Variants in RNF17 observed in about 807,000 individuals in gnomAD.
RNF17 encodes spermatogenesis associated 23.
A neutral mutation model predicts 200.5 loss-of-function variants in RNF17; 31 were observed. The observed-to-expected ratio is 0.15, with a 90% CI of 0.12 to 0.21. RNF17 has a LOEUF of 0.21. Among genes scored for constraint, RNF17 ranks in the 10% least tolerant of loss-of-function variants. RNF17 has a pLI of 1.00. For synonymous variants in RNF17, 606 were observed against 637.8 expected, an observed-to-expected ratio of 0.95 and a Z score of 0.75; for missense variants, 1,628 against 1,905.1, an observed-to-expected ratio of 0.85 and a Z score of 2.71.
At chr13:24,788,255 C>A in intron 7 of RNF17, 96 bp downstream of exon 7, 2 of 846,228 alleles carry the variant, frequency 2.4e-6, no homozygotes, top group Non-Finnish European at 3.6e-6. Context: ...TTCAGATTAT[C>A]CTAACCTATA....
intron 14 of RNF17, chr13:24,803,804 A>T (rs1346560260): frequency 6.4e-6 from 1 of 155,800 alleles, no homozygotes; most frequent in African/African-American, 2.4e-5. Flanking sequence ...TACGACATGA[A>T]AGCCTAGCTC....
intron 9 of RNF17, among the ~76,000 whole-genome samples, chr13:24,792,102 A>G (rs371807596): frequency 2.6e-5 from 4 of 152,278 alleles, no homozygotes; most frequent in African/African-American, 9.6e-5. Flanking sequence ...GATAATCAAC[A>G]ACCTTTGCAA....
At chr13:24,842,258 G>A in intron 19 of RNF17, 97 bp downstream of exon 19, 4 of 1,074,434 alleles carry the variant, frequency 3.7e-6, no homozygotes, top group South Asian at 3.5e-5. Flanking sequence ...CATTGGAGAT[G>A]AGCTTAGACT....
intron 33 of RNF17, among the ~76,000 whole-genome samples, 168 bp downstream of exon 33, chr13:24,874,417 T>A: frequency 1.3e-5 from 2 of 151,010 alleles, no homozygotes. Flanking sequence ...ATTGTAGCTT[T>A]TTTTTTTTTT....
At chr13:24,877,278 G>A in intron 34 of RNF17, 92 bp downstream of exon 34, 1 of 1,002,248 alleles carries the variant, frequency 1.0e-6, no homozygotes, top group Non-Finnish European at 1.5e-6. Context: ...CTACATGCGA[G>A]AGTATACTAA....
Position 24,879,200 on chromosome 13 carries a change from A to G in RNF17, c.4787A>G (p.Glu1596Gly), listed in dbSNP as rs765024181. 4.3e-6 allele frequency: 7 copies of G among 1,612,924 alleles called. No individual in the cohort carries two copies. Among genetic ancestry groups the G allele is most frequent in the Non-Finnish European group, 5.9e-6 (7 of 1,179,082 alleles). Residue 1596 changes from glutamate to glycine, a missense_variant, in exon 35 of 36, where the codon GAA (glutamate) becomes GGA (glycine). Coordinates refer to ENST00000255324, the MANE Select transcript of RNF17 (RefSeq NM_031277.3). ...TTTTAATTTTAGGCTCCAGCACCAG[A>G]ACAGATAGTGACATTATATGACGAT... ...LYAVSMAPAP[E>G]QIVTLYDDEQ...
chr13:24,747,948 A>G, the RNF17 span, among the ~76,000 whole-genome samples: 3 of 152,254 alleles, frequency 2.0e-5, no homozygotes, highest in African/African-American at 4.8e-5. Flanking sequence ...AGAGGAGGCA[A>G]GCCTCGGCCC....
intron 32 of RNF17, among the ~76,000 whole-genome samples, chr13:24,872,781 C>T (rs1041364118): frequency 6.9e-6 from 1 of 145,166 alleles, no homozygotes; most frequent in African/African-American, 2.5e-5. Flanking sequence ...GATAACTGCT[C>T]AAGGTGATGA....
chr13:24,851,657 T>C, intron 24 of RNF17, 86 bp downstream of exon 24: 1 of 755,994 alleles, frequency 1.3e-6, no homozygotes. Flanking sequence ...CTTTCAAGTC[T>C]GAATTGCATC....
At chr13:24,800,757 A>G (rs1885151738) in intron 13 of RNF17, among the ~76,000 whole-genome samples, 1 of 152,232 alleles carries the variant, frequency 6.6e-6, no homozygotes, top group Admixed American at 6.5e-5. Flanking sequence ...TATTAACATA[A>G]TGATTGGTTA....
Position 24,774,922 on chromosome 13 carries a change from T to C in RNF17, c.317+18T>C, listed in dbSNP as rs1239088356. The C allele has an allele frequency of 6.9e-7, 1 of 1,445,760 alleles. No homozygotes were observed. The allele number at this position is 1,445,760 out of a possible 1,614,324, so 89.6% of individuals were successfully genotyped here. ...CCTAAGACGTATGTTCCATGTGTAC[T>C]TATTTGAGTATTTAAAGTCAATGTG... On this transcript the variant is annotated intron_variant, in intron 3 of 35. Coordinates refer to ENST00000255324, the MANE Select transcript of RNF17 (RefSeq NM_031277.3).
chr13:24,784,718 C>CT (rs199800225), intron 6 of RNF17, among the ~76,000 whole-genome samples: 39 of 151,538 alleles, frequency 2.6e-4, no homozygotes, highest in East Asian at 1.9e-3. Context: ...ATTCTTTTTC[C>CT]TTTTTTTTGA....
chr13:24,855,693 T>C (rs1015831529), intron 25 of RNF17, among the ~76,000 whole-genome samples: 3 of 152,106 alleles, frequency 2.0e-5, no homozygotes, highest in Non-Finnish European at 4.4e-5. Flanking sequence ...AAGTTGTTTA[T>C]AACAGTTTAC....
intron 10 of RNF17, chr13:24,794,330 A>G (rs1270654474): frequency 2.6e-6 from 1 of 387,820 alleles, no homozygotes; most frequent in Non-Finnish European, 5.0e-6. Context: ...GGTAGTAAGT[A>G]AAGTGAATTT....
chr13:24,811,567 C>T (rs1469941432), intron 15 of RNF17, among the ~76,000 whole-genome samples: 1 of 152,082 alleles, frequency 6.6e-6, no homozygotes, highest in Non-Finnish European at 1.5e-5. Context: ...AAGTTTTCAA[C>T]TTCTTTGCCT....
At chr13:24,821,916 G>C (rs1046472939) in intron 15 of RNF17, among the ~76,000 whole-genome samples, 1 of 152,174 alleles carries the variant, frequency 6.6e-6, no homozygotes, top group Admixed American at 6.5e-5. Context: ...TAAGGACACG[G>C]ACACACATGA....
At chr13:24,774,088 T>A (rs78238091) in intron 2 of RNF17, among the ~76,000 whole-genome samples, 33,000 of 152,122 alleles carry the variant, frequency 0.22, 4,006 homozygotes, top group East Asian at 0.28. Context: ...GAGCAGGGAT[T>A]TTTCTTCATC....
chr13:24,861,238 TA>T (rs765714309), intron 26 of RNF17, 29 bp from the exon 27 acceptor site: 2 of 1,530,194 alleles, frequency 1.3e-6, no homozygotes, highest in African/African-American at 2.9e-5. Context: ...TAATAAATTT[TA>T]ACTATAAATT....
intron 15 of RNF17, among the ~76,000 whole-genome samples, chr13:24,815,862 G>GT (rs1887344354): frequency 6.6e-6 from 1 of 152,146 alleles, no homozygotes; most frequent in South Asian, 2.1e-4. Context: ...TGTCAATGTG[G>GT]TGTATTACAT....
Sources: allele counts gnomAD v4.1 joint callset (sites outside exome capture counted in the v4.1 genomes callset), GRCh38; gene constraint gnomAD v4.1.1; transcripts MANE v1.5; gene names NCBI Gene and HGNC (gene_info 2026-07-23, HGNC 2026-07-21).